MROH9: variants seen among roughly 807,000 people sequenced by gnomAD.
MROH9 encodes the protein maestro heat-like repeat-containing protein family member 9.
Under a neutral mutation model 98.2 loss-of-function variants are expected in MROH9, and 92 were observed. The observed-to-expected ratio is 0.94, with a 90% CI of 0.79 to 1.11. MROH9 has a LOEUF of 1.11. MROH9 is among the 50% of genes most tolerant of loss of function. The pLI, the probability that MROH9 is intolerant of heterozygous loss-of-function variation, is 0.00. For missense variants in MROH9, 1,057 were observed against 1,014.8 expected, an observed-to-expected ratio of 1.04 and a Z score of -0.57; for synonymous variants, 397 against 368.9, an observed-to-expected ratio of 1.08 and a Z score of -0.87.
chr1:170,945,458 G>A (rs1325711704), intron 1 of MROH9, 62 bp from the exon 2 acceptor site: 2 of 1,184,234 alleles, frequency 1.7e-6, no homozygotes, highest in East Asian at 2.4e-5. Context: ...CATATTGATA[G>A]AGCAAAACAA....
intron 20 of MROH9, among the ~76,000 whole-genome samples, chr1:171,059,623 C>A (rs1653952169): frequency 6.6e-6 from 1 of 151,974 alleles, no homozygotes; most frequent in African/African-American, 2.4e-5. Context: ...AGTCATGGAA[C>A]CAACAAAAAT....
At chr1:170,960,688 T>A (rs1649983825) in intron 5 of MROH9, among the ~76,000 whole-genome samples, 1 of 152,222 alleles carries the variant, frequency 6.6e-6, no homozygotes, top group African/African-American at 2.4e-5. Context: ...AGTGGCACTA[T>A]CTTGGCTCAC....
At chr1:170,937,133 G>A (rs1046994834) in intron 1 of MROH9, among the ~76,000 whole-genome samples, 12 of 152,146 alleles carry the variant, frequency 7.9e-5, no homozygotes, top group African/African-American at 2.7e-4. Context: ...CTCTTTCTCT[G>A]GGGAATTGGG....
intron 17 of MROH9, among the ~76,000 whole-genome samples, chr1:171,017,061 A>G (rs1284666160): frequency 1.3e-5 from 2 of 152,212 alleles, no homozygotes; most frequent in Non-Finnish European, 2.9e-5. Flanking sequence ...TTAAATTATG[A>G]AAAAAAGTAG....
At chr1:170,992,446 A>T in intron 12 of MROH9, 117 bp downstream of exon 12, 2 of 1,043,358 alleles carry the variant, frequency 1.9e-6, no homozygotes, top group South Asian at 3.3e-5. Context: ...TCATGCATCC[A>T]TTCATGCAAC....
intron 15 of MROH9, among the ~76,000 whole-genome samples, chr1:171,012,780 G>A (rs1213341891): frequency 6.6e-6 from 1 of 152,106 alleles, no homozygotes; most frequent in Non-Finnish European, 1.5e-5. Flanking sequence ...TGGGATTACA[G>A]GCATGAGCCA....
intron 20 of MROH9, among the ~76,000 whole-genome samples, chr1:171,028,291 C>A (rs541344512): frequency 6.6e-6 from 1 of 152,246 alleles, no homozygotes; most frequent in South Asian, 2.1e-4. Context: ...GAGATCCTTT[C>A]CCCATTGCTT....
At chr1:171,007,867 C>T (rs1652017990) in intron 15 of MROH9, among the ~76,000 whole-genome samples, 1 of 152,180 alleles carries the variant, frequency 6.6e-6, no homozygotes, top group Admixed American at 6.5e-5. Context: ...TGCAGAGAGA[C>T]CGGGTCATTT....
chr1:170,991,928 A>G (rs1651370334), intron 11 of MROH9, among the ~76,000 whole-genome samples: 1 of 152,176 alleles, frequency 6.6e-6, no homozygotes, highest in African/African-American at 2.4e-5. Context: ...ATGAACTTGC[A>G]GACCAGACTC....
At chr1:170,990,156 T>C (rs574389769) in intron 11 of MROH9, among the ~76,000 whole-genome samples, 153 bp downstream of exon 11, 119 of 152,296 alleles carry the variant, frequency 7.8e-4, no homozygotes, top group African/African-American at 2.7e-3. Context: ...GTGGGATACT[T>C]GTAAGACTCA....
chr1:170,953,800 G>A lies in MROH9; in HGVS notation c.73-4661G>A, dbSNP rs182804617. On this transcript the variant is annotated intron_variant, in intron 3 of 21. Coordinates refer to ENST00000367759, the MANE Select transcript of MROH9 (RefSeq NM_001163629.2). Reference sequence around the variant, plus strand: ...GGAGAGAGGGAGGGGAGGGAGGAGAGGGAGAGAGAGAGAGAGATGAAAGAA... The same window carrying A: ...GGAGAGAGGGAGGGGAGGGAGGAGAAGGAGAGAGAGAGAGAGATGAAAGAA... 6.0e-5 allele frequency among the ~76,000 whole-genome samples: 9 copies of A among 149,436 alleles called. No individual in the cohort carries two copies. The East Asian group carries it at 1.6e-3, about 26-fold the overall frequency.
chr1:170,989,811 A>G, intron 10 of MROH9, 44 bp from the exon 11 acceptor site: 2 of 1,555,384 alleles, frequency 1.3e-6, no homozygotes, highest in Non-Finnish European at 1.8e-6. Flanking sequence ...AGAGGTGACC[A>G]TGGAACAGGA....
chr1:171,044,913 G>T (rs191022304), intron 20 of MROH9, among the ~76,000 whole-genome samples: 1 of 98,406 alleles, frequency 1.0e-5, no homozygotes, highest in Non-Finnish European at 2.2e-5. Flanking sequence ...CCAACTTTTT[G>T]TTTCACTTAT....
intron 7 of MROH9, among the ~76,000 whole-genome samples, chr1:170,966,654 TG>T (rs374168246): frequency 7.9e-5 from 12 of 152,140 alleles, no homozygotes; most frequent in African/African-American, 2.9e-4. Context: ...TTTACTTAGA[TG>T]GGGGACACAG....
chr1:170,993,719 G>A (rs1054641629), intron 12 of MROH9, among the ~76,000 whole-genome samples: 6 of 151,748 alleles, frequency 4.0e-5, no homozygotes, highest in Non-Finnish European at 7.4e-5. Flanking sequence ...CCGTAAAAGA[G>A]AAAAGAAAAA....
intron 20 of MROH9, 113 bp from the exon 21 acceptor site, chr1:171,062,019 A>T: frequency 3.0e-6 from 2 of 666,944 alleles, no homozygotes; most frequent in Non-Finnish European, 5.3e-6. Context: ...TGACTCAAGG[A>T]TAATATAGAG....
In MROH9 at chr1:170,992,298, CTCTT is replaced by C; in HGVS notation, c.1164_1167del (p.Leu389IlefsTer5). On this transcript the variant is annotated frameshift_variant, in exon 12 of 22. Coordinates refer to ENST00000367759, the MANE Select transcript of MROH9 (RefSeq NM_001163629.2). LOFTEE classifies it high-confidence loss of function. ...ACCGTAACGGAAGGGAAACGTTTCTCTCTTGATATTACCAACTTGATGCCTTTGG... is the reference window on the plus strand; with the variant it reads ...ACCGTAACGGAAGGGAAACGTTTCTCGATATTACCAACTTGATGCCTTTGG... 1 of 1,613,456 alleles carries C rather than the reference CTCTT, an allele frequency of 6.2e-7. No homozygotes were observed. The highest frequency in any genetic ancestry group is 1.1e-5 in the South Asian group (1 of 91,050).
intron 20 of MROH9, among the ~76,000 whole-genome samples, chr1:171,047,384 A>C (rs1053708985): frequency 6.6e-6 from 1 of 151,950 alleles, no homozygotes; most frequent in African/African-American, 2.4e-5. Context: ...TCTATTTTCA[A>C]ATAGGCTGCC....
chr1:171,062,029 G>A, intron 20 of MROH9, 103 bp from the exon 21 acceptor site: 1 of 693,466 alleles, frequency 1.4e-6, no homozygotes, highest in Non-Finnish European at 2.5e-6. Flanking sequence ...ATAATATAGA[G>A]ATGCTTTGCT....
Sources: gnomAD v4.1 joint callset for allele counts (sites outside exome capture counted in the v4.1 genomes callset) on GRCh38, gnomAD v4.1.1 for gene constraint, MANE v1.5 for transcripts, NCBI Gene and HGNC (gene_info 2026-07-23, HGNC 2026-07-21) for gene names.